The following RAP1GAP2 variants were observed in gnomAD, a reference collection of about 807,000 sequenced individuals.
RAP1GAP2 encodes the protein RAP1 GTPase activating protein 2, also known as rap1 GTPase-activating protein 2.
RAP1GAP2 carries 27 observed loss-of-function variants against 95.0 expected under a neutral mutation model. The observed-to-expected ratio is 0.28, with a 90% CI of 0.21 to 0.39. The LOEUF is 0.39. RAP1GAP2 is among the 10% of genes least tolerant of loss of function. The pLI, the probability that RAP1GAP2 is intolerant of heterozygous loss-of-function variation, is 1.00. For synonymous variants in RAP1GAP2, 373 were observed against 380.9 expected, an observed-to-expected ratio of 0.98 and a Z score of 0.24; for missense variants, 771 against 970.0, an observed-to-expected ratio of 0.79 and a Z score of 2.72.
At chr17:2,897,819 G>A (rs1218446037) in intron 2 of RAP1GAP2, among the ~76,000 whole-genome samples, 2 of 152,126 alleles carry the variant, frequency 1.3e-5, no homozygotes, top group East Asian at 3.9e-4. Flanking sequence ...GAGGCTGTCG[G>A]GTGGCATCTG....
At chr17:3,000,180 C>T (rs1164703956) in intron 14 of RAP1GAP2, among the ~76,000 whole-genome samples, 1 of 152,310 alleles carries the variant, frequency 6.6e-6, no homozygotes, top group African/African-American at 2.4e-5. Flanking sequence ...AACTCCTGAC[C>T]CCAAGTGATC....
At chr17:2,835,131 C>G (rs537354935) in intron 2 of RAP1GAP2, among the ~76,000 whole-genome samples, 96 of 151,176 alleles carry the variant, frequency 6.4e-4, no homozygotes, top group South Asian at 4.0e-3. Context: ...ACCGTGTTAG[C>G]CAGGATGGTC....
At chr17:2,911,260 A>ATTTTTTTTTTTTTTTTTTTTTTTT (rs34227127) in intron 3 of RAP1GAP2, among the ~76,000 whole-genome samples, 1 of 132,032 alleles carries the variant, frequency 7.6e-6, no homozygotes. Flanking sequence ...TTTGAAGGGG[A>ATTTTTTTTTTTTTTTTTTTTTTTT]TTTTTTTTTT....
intron 1 of RAP1GAP2, among the ~76,000 whole-genome samples, chr17:2,764,203 G>A (rs541253644): frequency 4.3e-4 from 65 of 151,992 alleles, no homozygotes; most frequent in South Asian, 8.3e-4. Context: ...AGGCTGAGGC[G>A]GGTGGATCAT....
chr17:2,880,671 C>T (rs2073252552), intron 2 of RAP1GAP2, among the ~76,000 whole-genome samples: 1 of 152,016 alleles, frequency 6.6e-6, no homozygotes. Context: ...CTACCATCTA[C>T]TTTCTGTCTC....
At chr17:2,834,276 C>A (rs1441551794) in intron 2 of RAP1GAP2, among the ~76,000 whole-genome samples, 1 of 152,196 alleles carries the variant, frequency 6.6e-6, no homozygotes, top group East Asian at 1.9e-4. Context: ...CTGGGGGAAG[C>A]CACAGCTTAA....
upstream of RAP1GAP2, among the ~76,000 whole-genome samples, chr17:2,776,467 T>G (rs1470223312): frequency 6.6e-6 from 1 of 152,086 alleles, no homozygotes; most frequent in African/African-American, 2.4e-5. Flanking sequence ...CCCGCGCCTT[T>G]GTTCCGGAGG....
chr17:2,807,422 G>C (rs564180491), intron 2 of RAP1GAP2, among the ~76,000 whole-genome samples: 1 of 152,270 alleles, frequency 6.6e-6, no homozygotes, highest in South Asian at 2.1e-4. Context: ...TCAAGGACAG[G>C]GGGAGCTTGA....
intron 2 of RAP1GAP2, among the ~76,000 whole-genome samples, chr17:2,801,898 C>T (rs2069317160): frequency 6.6e-6 from 1 of 152,142 alleles, no homozygotes; most frequent in Non-Finnish European, 1.5e-5. Flanking sequence ...ATTTTGTCTG[C>T]ATCCTGATCT....
In RAP1GAP2 at chr17:2,764,483, G is replaced by A. The variant is rs562827794; in HGVS notation, c.51-5846G>A. ...CACGCCTGTAATCCTAGCACTTTGGGAAGCCGAGGCGGGTGGATCATGAGG... is the reference window on the plus strand; with the variant it reads ...CACGCCTGTAATCCTAGCACTTTGGAAAGCCGAGGCGGGTGGATCATGAGG... On this transcript the variant is annotated intron_variant, in intron 1 of 25. Transcript: ENST00000637138. 5.5e-4 allele frequency among the ~76,000 whole-genome samples: 84 copies of A among 152,152 alleles called. 1 individual carries two copies. In the South Asian group the frequency reaches 0.012, roughly 21 times the overall value.
intron 2 of RAP1GAP2, among the ~76,000 whole-genome samples, chr17:2,883,991 G>C (rs1020646610): frequency 6.6e-6 from 1 of 152,324 alleles, no homozygotes; most frequent in East Asian, 1.9e-4. Flanking sequence ...GTGAACTGTG[G>C]GCTCCTGTCA....
chr17:2,927,486 T>G (rs1297988734), intron 3 of RAP1GAP2, among the ~76,000 whole-genome samples: 1 of 152,166 alleles, frequency 6.6e-6, no homozygotes, highest in Admixed American at 6.5e-5. Context: ...GTCTCTCGGA[T>G]TCCCTCTCTT....
chr17:2,803,143 AC>A (rs1480698911), intron 2 of RAP1GAP2, among the ~76,000 whole-genome samples: 1 of 152,110 alleles, frequency 6.6e-6, no homozygotes, highest in Non-Finnish European at 1.5e-5. Flanking sequence ...AATATCTGCA[AC>A]CTGGAAGTGC....
At chr17:2,914,348 A>G (rs1056272581) in intron 3 of RAP1GAP2, among the ~76,000 whole-genome samples, 1 of 152,152 alleles carries the variant, frequency 6.6e-6, no homozygotes, top group Non-Finnish European at 1.5e-5. Flanking sequence ...TTTAATCCAC[A>G]TTTTCTCATG....
chr17:2,949,903 T>C (rs1166579814), intron 3 of RAP1GAP2, among the ~76,000 whole-genome samples: 1 of 152,230 alleles, frequency 6.6e-6, no homozygotes, highest in Non-Finnish European at 1.5e-5. Flanking sequence ...TGCCACTGGC[T>C]GATTTCTGCT....
chr17:2,904,223 C>T lies in RAP1GAP2; in HGVS notation c.81-1061C>T, dbSNP rs531542094. Reference sequence around the variant, plus strand: ...TTGTTCAGGACACTGGAGTCCCTCACCCGGGAATTCCCCAGGCTCTGCCCA... The same window carrying T: ...TTGTTCAGGACACTGGAGTCCCTCATCCGGGAATTCCCCAGGCTCTGCCCA... On this transcript the variant is annotated intron_variant, in intron 2 of 24. Coordinates refer to ENST00000254695, the MANE Select transcript of RAP1GAP2 (RefSeq NM_015085.5). This position sits in a 1 kb window ranked among gnomAD's most constrained non-coding sequence, Gnocchi z 4.7. Among the ~76,000 whole-genome samples the T allele has an allele frequency of 6.6e-6, 1 of 152,238 alleles. No individual in the cohort carries two copies. Among genetic ancestry groups the T allele is most frequent in the South Asian group, 2.1e-4 (1 of 4,830 alleles).
chr17:2,804,408 A>G (rs2069426861), intron 2 of RAP1GAP2, among the ~76,000 whole-genome samples: 1 of 152,250 alleles, frequency 6.6e-6, no homozygotes, highest in African/African-American at 2.4e-5. Flanking sequence ...GAGAGAGTTT[A>G]GGAAACCCGT....
At chr17:2,767,219 G>T (rs1002434937) in intron 1 of RAP1GAP2, among the ~76,000 whole-genome samples, 1 of 151,644 alleles carries the variant, frequency 6.6e-6, no homozygotes, top group African/African-American at 2.4e-5. Context: ...AAAATTAACC[G>T]GGTGTGGTGA....
intron 3 of RAP1GAP2, among the ~76,000 whole-genome samples, chr17:2,927,428 C>A (rs534792687): frequency 6.6e-6 from 1 of 152,204 alleles, no homozygotes; most frequent in South Asian, 2.1e-4. Context: ...GCTGGGATTA[C>A]AGGCGTGAGC....
Sources: gnomAD v4.1 joint callset for allele counts (sites outside exome capture counted in the v4.1 genomes callset) on GRCh38, gnomAD v4.1.1 for gene constraint, Gnocchi (gnomAD v3.1) non-coding constraint, MANE v1.5 for transcripts, NCBI Gene and HGNC (gene_info 2026-07-23, HGNC 2026-07-21) for gene names.